MAPK4: variants seen among roughly 807,000 people sequenced by gnomAD.
The protein encoded by MAPK4 is mitogen-activated protein kinase 4.
In MAPK4, 22 loss-of-function variants were observed where a neutral mutation model predicts 47.7. The observed-to-expected ratio is 0.46, with a 90% CI of 0.33 to 0.66. The LOEUF (loss-of-function observed/expected upper bound fraction) is 0.66. MAPK4 is among the 30% of genes least tolerant of loss of function. The pLI is 0.02. For synonymous variants in MAPK4, 390 were observed against 365.7 expected (o/e 1.07, Z -0.76); for missense variants, 736 against 831.7 (o/e 0.88, Z 1.42).
At chr18:50,561,008 CCCCGGGAGG>C (rs2042149035) in intron 1 of MAPK4, among the ~76,000 whole-genome samples, 1 of 152,258 alleles carries the variant, frequency 6.6e-6, no homozygotes, top group Non-Finnish European at 1.5e-5. Context: ...TGGGCGGATG[CCCCGGGAGG>C]GGGCTGTGGC....
At chr18:50,699,449 C>T (rs1395707672) in intron 2 of MAPK4, among the ~76,000 whole-genome samples, 1 of 152,074 alleles carries the variant, frequency 6.6e-6, no homozygotes, top group Non-Finnish European at 1.5e-5. Flanking sequence ...AAAACTCAAC[C>T]AAATTAGTGA....
At chr18:50,599,902 A>C (rs1346080942) in intron 1 of MAPK4, among the ~76,000 whole-genome samples, 1 of 152,168 alleles carries the variant, frequency 6.6e-6, no homozygotes, top group African/African-American at 2.4e-5. Context: ...CTTGGATTTT[A>C]ATCTATATGT....
chr18:50,584,941 C>A (rs1027747665), intron 1 of MAPK4, among the ~76,000 whole-genome samples: 2 of 152,256 alleles, frequency 1.3e-5, no homozygotes, highest in African/African-American at 4.8e-5. Context: ...ATGATACCCA[C>A]AGCCTTGCAT....
intron 1 of MAPK4, among the ~76,000 whole-genome samples, chr18:50,624,806 T>G (rs1442425965): frequency 6.6e-6 from 1 of 152,152 alleles, no homozygotes; most frequent in African/African-American, 2.4e-5. Flanking sequence ...CTCTTCTTGG[T>G]GGGCCCTGCC....
chr18:50,624,041 C>T (rs570367369), intron 1 of MAPK4, among the ~76,000 whole-genome samples: 4 of 152,338 alleles, frequency 2.6e-5, no homozygotes, highest in African/African-American at 7.2e-5. Context: ...ATAATCTTTT[C>T]CCCTGACGTA....
chr18:50,709,232 T>A (rs984670100), intron 2 of MAPK4, among the ~76,000 whole-genome samples: 4 of 152,098 alleles, frequency 2.6e-5, no homozygotes, highest in Non-Finnish European at 5.9e-5. Flanking sequence ...AATCACAGTC[T>A]CCCTGCCACA....
chr18:50,723,036 G>T (rs1911014357), intron 4 of MAPK4, among the ~76,000 whole-genome samples: 1 of 152,196 alleles, frequency 6.6e-6, no homozygotes, highest in African/African-American at 2.4e-5. Context: ...AGGGGCGGTG[G>T]CTTAGGAGTT....
At chr18:50,714,692 C>G (rs944561229) in intron 2 of MAPK4, among the ~76,000 whole-genome samples, 3 of 152,220 alleles carry the variant, frequency 2.0e-5, no homozygotes, top group African/African-American at 7.2e-5. Flanking sequence ...ACGCCAGAGT[C>G]TCATGGTTAC....
rs1362877000 is a variant in MAPK4 at position 50,664,477 on chromosome 18, G to A, written c.519G>A (p.Arg173=). Reference sequence around the variant, plus strand: ...AGATTGGGGATTTCGGGTTGGCAAGGATCGTTGATCAGCATTACTCCCACA... The same window carrying A: ...AGATTGGGGATTTCGGGTTGGCAAGAATCGTTGATCAGCATTACTCCCACA... ...VLKIGDFGLA[R]IVDQHYSHKG... Residue 173 remains arginine (R), a synonymous_variant, in exon 2 of 6, where the codon AGG becomes AGA. Coordinates refer to ENST00000400384, the MANE Select transcript of MAPK4 (RefSeq NM_002747.4). The surrounding 1 kb of genome is among the most constrained non-coding windows in gnomAD (Gnocchi z 6.0). 1 of 1,605,154 alleles carries A rather than the reference G, an allele frequency of 6.2e-7. No homozygotes were observed. The highest frequency in any genetic ancestry group is 8.5e-7 in the Non-Finnish European group (1 of 1,174,342).
At chr18:50,716,269 C>T (rs1357457711) in intron 3 of MAPK4, among the ~76,000 whole-genome samples, 3 of 152,112 alleles carry the variant, frequency 2.0e-5, no homozygotes, top group Non-Finnish European at 4.4e-5. Context: ...TCCAGGGAAC[C>T]CATTTCAGCC....
chr18:50,701,948 C>T (rs983217242), intron 2 of MAPK4, among the ~76,000 whole-genome samples: 1 of 151,854 alleles, frequency 6.6e-6, no homozygotes, highest in Non-Finnish European at 1.5e-5. Context: ...ATCACTTGAG[C>T]TCAGGAGTTT....
In MAPK4 at chr18:50,654,943, C is replaced by T. The variant is rs116956533; in HGVS notation, c.-870-8146C>T. Among the ~76,000 whole-genome samples the T allele has an allele frequency of 2.2e-3, 342 of 152,348 alleles. 8 individuals carry two copies. The East Asian group carries it at 0.026, about 12-fold the overall frequency. ...AGGAAAACAGAGCAAAGCCTGAACG[C>T]TCCTGGAGTTTGCTCTTTGGGGAGG... is the stretch of plus-strand genomic sequence containing the variant. On this transcript the variant is annotated intron_variant, in intron 1 of 5. Coordinates refer to ENST00000400384, the MANE Select transcript of MAPK4 (RefSeq NM_002747.4).
chr18:50,563,433 G>A (rs1466043132), intron 1 of MAPK4, among the ~76,000 whole-genome samples: 1 of 152,168 alleles, frequency 6.6e-6, no homozygotes, highest in Non-Finnish European at 1.5e-5. Context: ...ACATTTTACT[G>A]TGTCAAGGAC....
At chr18:50,617,650 C>T (rs1206209246) in intron 1 of MAPK4, among the ~76,000 whole-genome samples, 1 of 152,202 alleles carries the variant, frequency 6.6e-6, no homozygotes, top group Non-Finnish European at 1.5e-5. Context: ...GATTATAACT[C>T]TCTTCATGGG....
chr18:50,629,419 C>G (rs1330130794), intron 1 of MAPK4: 1 of 152,254 alleles, frequency 6.6e-6, no homozygotes, highest in Non-Finnish European at 1.5e-5. Flanking sequence ...CAGCAAAGCA[C>G]TTGCTACTTG....
intron 1 of MAPK4, among the ~76,000 whole-genome samples, chr18:50,572,509 T>G (rs901633563): frequency 1.3e-5 from 2 of 152,200 alleles, no homozygotes; most frequent in African/African-American, 2.4e-5. Context: ...CCTGCTGTCA[T>G]TTTTCAAAAG....
chr18:50,572,585 C>T (rs1231221115), intron 1 of MAPK4, among the ~76,000 whole-genome samples: 2 of 151,972 alleles, frequency 1.3e-5, no homozygotes, highest in East Asian at 3.9e-4. Context: ...TTCTGAGATT[C>T]TCATAAGATT....
chr18:50,728,808 C>T (rs1911345307), intron 5 of MAPK4, among the ~76,000 whole-genome samples: 1 of 152,222 alleles, frequency 6.6e-6, no homozygotes, highest in East Asian at 1.9e-4. Context: ...TTTTGAGAAG[C>T]ATTGCACAGG....
chr18:50,618,359 G>T (rs2042702976), intron 1 of MAPK4, among the ~76,000 whole-genome samples: 3 of 152,058 alleles, frequency 2.0e-5, no homozygotes, highest in Non-Finnish European at 2.9e-5. Flanking sequence ...TCCCCATTTT[G>T]CTTGTAAAGC....
Sources: gnomAD v4.1 joint callset for allele counts (sites outside exome capture counted in the v4.1 genomes callset) on GRCh38, gnomAD v4.1.1 for gene constraint, Gnocchi (gnomAD v3.1) non-coding constraint, MANE v1.5 for transcripts, NCBI Gene and HGNC (gene_info 2026-07-23, HGNC 2026-07-21) for gene names.